SORBS2: variants seen among roughly 807,000 people sequenced by gnomAD.
The protein encoded by SORBS2 is sorbin and SH3 domain containing 2, also known as sorbin and SH3 domain-containing protein 2.
Under a neutral mutation model 97.7 loss-of-function variants are expected in SORBS2, and 46 were observed. The ratio of observed to expected loss-of-function variants is 0.47; its 90% CI spans 0.37 to 0.60. SORBS2 has a LOEUF of 0.60. Among genes scored for constraint, SORBS2 ranks in the 20% least tolerant of loss-of-function variants. The probability of loss-of-function intolerance (pLI) is 0.00; values close to 1 mark genes in which losing one functional copy is unlikely to be tolerated. For missense variants in SORBS2, 1,316 were observed against 1,282.3 expected (o/e 1.03, Z -0.40); for synonymous variants, 476 against 473.4 (o/e 1.01, Z -0.07).
chr4:185,842,648 T>G (rs998114785), intron 1 of SORBS2, among the ~76,000 whole-genome samples: 4 of 152,002 alleles, frequency 2.6e-5, no homozygotes, highest in African/African-American at 9.7e-5. Context: ...TTAAAAATAT[T>G]AAATTTGGCC....
chr4:185,824,333 T>C (rs2099198566), intron 1 of SORBS2, among the ~76,000 whole-genome samples: 1 of 152,180 alleles, frequency 6.6e-6, no homozygotes, highest in East Asian at 1.9e-4. Flanking sequence ...TGTGTCTGTG[T>C]ACAGATTTCT....
chr4:185,651,376 G>GA (rs1240867618), intron 2 of SORBS2, among the ~76,000 whole-genome samples: 2 of 152,220 alleles, frequency 1.3e-5, no homozygotes, highest in African/African-American at 4.8e-5. Flanking sequence ...AAAAGGCAGG[G>GA]ACAAGGTCAC....
intron 4 of SORBS2, 68 bp from the exon 16 acceptor site, chr4:185,635,479 G>T (rs1337023696): frequency 2.6e-6 from 3 of 1,148,772 alleles, no homozygotes; most frequent in East Asian, 4.8e-5. Context: ...TGGCAGCAAG[G>T]AATGAACATG....
intron 2 of SORBS2, among the ~76,000 whole-genome samples, chr4:185,692,605 A>C (rs2098116988): frequency 1.3e-5 from 2 of 152,294 alleles, no homozygotes; most frequent in Admixed American, 1.3e-4. Flanking sequence ...ACTGATGAAA[A>C]ATTATAATAA....
At chr4:185,897,875 C>CA (rs201620963) in intron 1 of SORBS2, among the ~76,000 whole-genome samples, 23,376 of 148,030 alleles carry the variant, frequency 0.16, 1,831 homozygotes, top group Middle Eastern at 0.24. Flanking sequence ...TGTCTCCACT[C>CA]AAAAAAAAAA....
At chr4:185,605,032 A>G (rs1259060030) in intron 12 of SORBS2, among the ~76,000 whole-genome samples, 1 of 152,190 alleles carries the variant, frequency 6.6e-6, no homozygotes, top group African/African-American at 2.4e-5. Flanking sequence ...TGAAAGGAAT[A>G]TTAGTTACTG....
chr4:185,895,525 C>G (rs991361124), intron 1 of SORBS2, among the ~76,000 whole-genome samples: 2 of 152,208 alleles, frequency 1.3e-5, no homozygotes, highest in African/African-American at 4.8e-5. Flanking sequence ...GGCGCCCGGG[C>G]GACACCTGGT....
chr4:185,830,488 C>T (rs1054016609), intron 1 of SORBS2, among the ~76,000 whole-genome samples: 5 of 152,154 alleles, frequency 3.3e-5, no homozygotes, highest in Non-Finnish European at 7.3e-5. Flanking sequence ...TCATCATAAA[C>T]GCTGAAGAAG....
intron 1 of SORBS2, among the ~76,000 whole-genome samples, chr4:185,939,543 T>C (rs2099270796): frequency 1.3e-5 from 2 of 152,008 alleles, no homozygotes; most frequent in African/African-American, 4.8e-5. Context: ...GGAGTTGCAC[T>C]CTTGTTGCCC....
intron 2 of SORBS2, chr4:185,773,274 C>T (rs2098982245): frequency 6.6e-6 from 1 of 152,188 alleles, no homozygotes; most frequent in Admixed American, 6.5e-5. Context: ...CCAACAAAGC[C>T]CAGGCTCAAA....
intron 1 of SORBS2, among the ~76,000 whole-genome samples, chr4:185,820,250 T>C (rs1347236604): frequency 6.6e-6 from 1 of 152,134 alleles, no homozygotes; most frequent in Non-Finnish European, 1.5e-5. Flanking sequence ...GTGTCATCAG[T>C]GGGAACTTAT....
chr4:185,659,375 C>T (rs1220159487), upstream of SORBS2, among the ~76,000 whole-genome samples: 1 of 152,096 alleles, frequency 6.6e-6, no homozygotes, highest in Non-Finnish European at 1.5e-5. Context: ...CTGCTACTGG[C>T]CCCTTGAATG....
chr4:185,918,937 G>A (rs2099259658), intron 1 of SORBS2, among the ~76,000 whole-genome samples: 1 of 152,182 alleles, frequency 6.6e-6, no homozygotes, highest in Non-Finnish European at 1.5e-5. Context: ...ACTGGAATGA[G>A]TCCACAGATG....
chr4:185,821,906 G>A (rs547113808), intron 1 of SORBS2, among the ~76,000 whole-genome samples: 1 of 152,130 alleles, frequency 6.6e-6, no homozygotes, highest in Admixed American at 6.5e-5. Context: ...TTCTGTGCAA[G>A]GTATTCATAT....
intron 4 of SORBS2, among the ~76,000 whole-genome samples, chr4:185,643,687 T>C (rs1259231254): frequency 6.6e-6 from 1 of 152,020 alleles, no homozygotes; most frequent in Non-Finnish European, 1.5e-5. Context: ...AAGATGACCC[T>C]TTGGAAAAGT....
intron 1 of SORBS2, among the ~76,000 whole-genome samples, chr4:185,951,465 C>T (rs1345985170): frequency 6.6e-6 from 1 of 152,238 alleles, no homozygotes; most frequent in East Asian, 1.9e-4. Flanking sequence ...CCAATCCCCA[C>T]TTCCCAGTAG....
At chr4:185,814,526 G>A (rs1051255213) in intron 1 of SORBS2, among the ~76,000 whole-genome samples, 2 of 151,648 alleles carry the variant, frequency 1.3e-5, no homozygotes, top group African/African-American at 4.9e-5. Context: ...GGCAACAGAG[G>A]GAGACTCTGT....
At chr4:185,884,249 G>T (rs1464892455) in intron 1 of SORBS2, among the ~76,000 whole-genome samples, 2 of 152,016 alleles carry the variant, frequency 1.3e-5, no homozygotes, top group African/African-American at 4.8e-5. Flanking sequence ...CTATATATGG[G>T]AATTGTTCCC....
At chr4:185,931,493 G>A (rs746359844) in intron 1 of SORBS2, among the ~76,000 whole-genome samples, 36 of 152,132 alleles carry the variant, frequency 2.4e-4, no homozygotes, top group Admixed American at 7.2e-4. Context: ...AGCAGGCTGC[G>A]GGTGAGCAGA....
Sources: gnomAD v4.1 joint callset for allele counts (sites outside exome capture counted in the v4.1 genomes callset) on GRCh38, gnomAD v4.1.1 for gene constraint, MANE v1.5 for transcripts, NCBI Gene and HGNC (gene_info 2026-07-23, HGNC 2026-07-21) for gene names.